CD163L1: variants seen among roughly 807,000 people sequenced by gnomAD.
CD163L1 encodes the protein scavenger receptor cysteine-rich type 1 protein M160.
Under a neutral mutation model 165.4 loss-of-function variants are expected in CD163L1, and 124 were observed. The observed-to-expected ratio is 0.75, with a 90% confidence interval of 0.65 to 0.87. The LOEUF is 0.87. Among genes scored for constraint, CD163L1 ranks in the 40% least tolerant of loss-of-function variants. The pLI, the probability that CD163L1 is intolerant of heterozygous loss-of-function variation, is 0.00. For missense variants in CD163L1, 1,525 were observed against 1,799.9 expected (o/e 0.85, Z 2.76); for synonymous variants, 585 against 662.2 (o/e 0.88, Z 1.79).
intron 5 of CD163L1, among the ~76,000 whole-genome samples, chr12:7,405,363 T>C (rs770787530): frequency 4.6e-5 from 7 of 152,256 alleles, no homozygotes; most frequent in South Asian, 4.1e-4. Flanking sequence ...TTTTCTGTTA[T>C]GTGGAGAAAA....
intron 8 of CD163L1, among the ~76,000 whole-genome samples, chr12:7,393,731 A>G (rs980479961): frequency 6.6e-6 from 1 of 152,246 alleles, no homozygotes; most frequent in African/African-American, 2.4e-5. Flanking sequence ...AAGTCTCAGG[A>G]TACAAAATCA....
intron 8 of CD163L1, among the ~76,000 whole-genome samples, chr12:7,385,655 A>G (rs914553405): frequency 1.3e-5 from 2 of 152,080 alleles, no homozygotes; most frequent in East Asian, 3.8e-4. Context: ...AATTATATAA[A>G]GTATCTTATC....
intron 4 of CD163L1, among the ~76,000 whole-genome samples, chr12:7,424,303 C>A (rs1948499526): frequency 6.9e-6 from 1 of 144,470 alleles, no homozygotes; most frequent in Admixed American, 6.9e-5. Flanking sequence ...AAAAAAAAAA[C>A]TCTCAATAAA....
intron 8 of CD163L1, among the ~76,000 whole-genome samples, chr12:7,387,016 G>A (rs1473808013): frequency 1.3e-5 from 2 of 152,096 alleles, no homozygotes. Context: ...ATCCAAATCA[G>A]AAAAGAGAAA....
chr12:7,348,870 T>A (rs752526060), intron 4 of CD163L1, among the ~76,000 whole-genome samples: 2 of 152,182 alleles, frequency 1.3e-5, no homozygotes, highest in Admixed American at 1.3e-4. Flanking sequence ...TGGAATACTT[T>A]TAGATTTACA....
intron 9 of CD163L1, among the ~76,000 whole-genome samples, chr12:7,378,765 C>T (rs1565782774): frequency 6.6e-6 from 1 of 152,144 alleles, no homozygotes; most frequent in Non-Finnish European, 1.5e-5. Context: ...CTCATTTCAT[C>T]TTGTGCTTCT....
In CD163L1 at chr12:7,431,160, C is replaced by T. The variant is rs138742549; in HGVS notation, c.766+1256G>A. On this transcript the variant is annotated intron_variant, in intron 4 of 19. Transcript: ENST00000313599. ...TTCTTCAGCCGGGTGCGGTGGCTCA[C>T]GGCTGTAATCCCTGCACTTTGGGAG... 7.2e-3 allele frequency among the ~76,000 whole-genome samples: 1,089 copies of T among 152,166 alleles called. 14 individuals carry two copies. The highest frequency in any genetic ancestry group is 0.025 in the African/African-American group (1,031 of 41,504).
At position 7,369,424 on chromosome 12, in the gene CD163L1, G is replaced by A. The variant is rs762550013; in HGVS notation, c.3972C>T (p.Asp1324=). ...TCTGTCCCCAGGGTTTGGCGTGACA[G>A]TCCCATAGAAATGACTCATTTCCTT... The part of the protein sequence containing the change: ...RCKGNESFLW[D]CHAKPWGQSD... The change falls in exon 15 of 20, where the codon GAC becomes GAT. Residue 1324 remains aspartate, a synonymous_variant. Transcript: ENST00000313599. The surrounding 1 kb of genome is among the most constrained non-coding windows in gnomAD (Gnocchi z 4.9). The A allele has an allele frequency of 3.1e-6, 5 of 1,614,158 alleles. No homozygotes were observed. The highest frequency in any genetic ancestry group is 4.2e-6 in the Non-Finnish European group (5 of 1,180,030).
At chr12:7,363,628 T>C (rs1199875951) in intron 18 of CD163L1, among the ~76,000 whole-genome samples, 1 of 151,690 alleles carries the variant, frequency 6.6e-6, no homozygotes, top group East Asian at 1.9e-4. Flanking sequence ...AAAGAATCAT[T>C]TAAAAATATT....
chr12:7,365,879 T>G (rs1035682707), intron 18 of CD163L1, among the ~76,000 whole-genome samples: 1 of 152,072 alleles, frequency 6.6e-6, no homozygotes, highest in African/African-American at 2.4e-5. Context: ...AAAGATAGTA[T>G]TACTATACAA....
intron 6 of CD163L1, 103 bp downstream of exon 6, chr12:7,403,432 T>G: frequency 8.7e-7 from 1 of 1,155,300 alleles, no homozygotes; most frequent in African/African-American, 1.5e-5. Context: ...GGGTTTTTTT[T>G]TAAGGTCCAG....
At chr12:7,421,444 TAC>T (rs1174045876) in intron 4 of CD163L1, among the ~76,000 whole-genome samples, 5 of 111,100 alleles carry the variant, frequency 4.5e-5, no homozygotes, top group Non-Finnish European at 8.9e-5. Context: ...TATATACATA[TAC>T]ATATATGTAC....
downstream of CD163L1, among the ~76,000 whole-genome samples, chr12:7,342,769 G>A (rs1188538915): frequency 6.6e-6 from 1 of 152,146 alleles, no homozygotes; most frequent in Non-Finnish European, 1.5e-5. Context: ...AAGTAGCTGG[G>A]ACTACAGGCA....
chr12:7,420,985 GTA>G (rs1293141702), intron 4 of CD163L1, among the ~76,000 whole-genome samples: 2 of 133,676 alleles, frequency 1.5e-5, no homozygotes, highest in South Asian at 4.6e-4. Flanking sequence ...AGAAATTGTG[GTA>G]TATATATACA....
Position 7,374,960 on chromosome 12 carries a change from C to A in CD163L1, c.3002-37G>T, listed in dbSNP as rs1268739589. ...TGCAGGAAATGGGGCAAAAGTAAGACCAAAATACATGGAAAAGGTTGAAGA... is the reference window on the plus strand; with the variant it reads ...TGCAGGAAATGGGGCAAAAGTAAGAACAAAATACATGGAAAAGGTTGAAGA... On this transcript the variant is annotated intron_variant, in intron 11 of 19. Coordinates refer to ENST00000313599, the MANE Select transcript of CD163L1 (RefSeq NM_174941.6). The surrounding 1 kb of genome is among the most constrained non-coding windows in gnomAD (Gnocchi z 5.4). 6.4e-7 allele frequency: 1 copy of A among 1,567,764 alleles called. No individual in the cohort carries two copies. Among genetic ancestry groups the A allele is most frequent in the Non-Finnish European group, 8.8e-7 (1 of 1,138,130 alleles).
At chr12:7,439,007 C>T in intron 2 of CD163L1, 1 of 1,604,706 alleles carries the variant, frequency 6.2e-7, no homozygotes, top group East Asian at 2.2e-5. Flanking sequence ...CTTCTTTTTC[C>T]TCCTGCCTCT....
In CD163L1 at chr12:7,396,137, T is replaced by TA; in HGVS notation, c.2007dup (p.Asn670Ter). On this transcript the variant is annotated frameshift_variant, in exon 8 of 20. Transcript: ENST00000313599. LOFTEE classifies it high-confidence loss of function. The stretch of plus-strand genomic sequence containing the variant: ...ACATCTTCACTGTGACTGCAGTCAT[T>TA]ATTTCCCCACCCACTGTTCCTGCAT... The TA allele has an allele frequency of 6.2e-7, 1 of 1,614,060 alleles. No individual in the cohort carries two copies. The highest frequency in any genetic ancestry group is 8.5e-7 in the Non-Finnish European group (1 of 1,179,976).
At chr12:7,373,723 G>A (rs912296937) in intron 13 of CD163L1, 83 bp from the exon 14 acceptor site, 4 of 1,172,414 alleles carry the variant, frequency 3.4e-6, no homozygotes, top group Non-Finnish European at 4.8e-6. Flanking sequence ...TTTTCCCATG[G>A]AAATAATACA....
chr12:7,352,551 AG>A (rs1166898455), downstream of CD163L1, among the ~76,000 whole-genome samples: 1 of 152,188 alleles, frequency 6.6e-6, no homozygotes, highest in Non-Finnish European at 1.5e-5. Flanking sequence ...ACTTGAACTT[AG>A]AATATGTTCC....
Sources: allele counts gnomAD v4.1 joint callset (sites outside exome capture counted in the v4.1 genomes callset), GRCh38; gene constraint gnomAD v4.1.1; non-coding constraint Gnocchi (gnomAD v3.1); transcripts MANE v1.5; gene names NCBI Gene and HGNC (gene_info 2026-07-23, HGNC 2026-07-21).